Variants in WFDC3 observed in about 807,000 individuals in gnomAD.
WFDC3 encodes the protein WAP four-disulfide core domain 3, also known as WAP four-disulfide core domain protein 3.
In WFDC3, 15 loss-of-function variants were observed where a neutral mutation model predicts 25.8. The ratio of observed to expected loss-of-function variants is 0.58; its 90% confidence interval spans 0.39 to 0.89. The LOEUF is 0.89. WFDC3 is among the 40% of genes least tolerant of loss of function. The probability of loss-of-function intolerance (pLI) is 0.00; values close to 1 mark genes in which losing one functional copy is unlikely to be tolerated. For synonymous variants in WFDC3, 103 were observed against 107.1 expected (o/e 0.96, Z 0.24); for missense variants, 264 against 289.8 (o/e 0.91, Z 0.65).
At chr20:45,786,360 C>A (rs1980667538) in intron 4 of WFDC3, among the ~76,000 whole-genome samples, 1 of 152,198 alleles carries the variant, frequency 6.6e-6, no homozygotes, top group South Asian at 2.1e-4. Flanking sequence ...TGCCACTGCA[C>A]TCCAGCCTGA....
chr20:45,779,291 A>C (rs527848168), intron 4 of WFDC3, among the ~76,000 whole-genome samples: 5 of 152,352 alleles, frequency 3.3e-5, no homozygotes, highest in African/African-American at 1.2e-4. Context: ...GCAGAAAACC[A>C]AAGCAAGACT....
chr20:45,786,433 CTG>C (rs1980670307), intron 4 of WFDC3, among the ~76,000 whole-genome samples: 1 of 152,188 alleles, frequency 6.6e-6, no homozygotes, highest in Non-Finnish European at 1.5e-5. Context: ...CCGCTTTACT[CTG>C]TCTCTCAGCA....
At position 45,775,516 on chromosome 20, in the gene WFDC3, A is replaced by T; in HGVS notation, c.580T>A (p.Cys194Ser). ...AAGCGGCCACAGCCTGACTTGCAAC[A>T]TTTTTCTCCAGCTTGACAATTCTCA... ...MDENCQAGEK[C>S]CKSGCGRFCV... is the part of the protein sequence containing the mutation. Residue 194 changes from cysteine to serine, a missense_variant, in exon 6 of 7, where the codon TGT becomes AGT. Coordinates refer to ENST00000243938, the MANE Select transcript of WFDC3 (RefSeq NM_080614.2). 6.2e-7 allele frequency: 1 copy of T among 1,614,102 alleles called. No homozygotes were observed. The highest frequency in any genetic ancestry group is 1.3e-5 in the African/African-American group (1 of 75,006).
rs752268838 is a variant in WFDC3, at chr20:45,777,256, C to T, written c.359-47G>A. 2.8e-6 allele frequency: 4 copies of T among 1,424,420 alleles called. No homozygotes were observed. In the East Asian group the frequency reaches 7.9e-5, roughly 28 times the overall value. 88.2% of individuals were successfully genotyped at this position (1,424,420 alleles called of 1,614,324 possible). On this transcript the variant is annotated intron_variant, in intron 4 of 6. Coordinates refer to ENST00000243938, the MANE Select transcript of WFDC3 (RefSeq NM_080614.2). ...GCCCAGAGACGCTCACAATATGAAA[C>T]ACATTTTTCATTGTGTCCCATGTGT...
intron 1 of WFDC3, among the ~76,000 whole-genome samples, chr20:45,790,301 C>T (rs796612626): frequency 1.4e-4 from 22 of 152,294 alleles, no homozygotes; most frequent in African/African-American, 5.3e-4. Context: ...GAAAAAGAAT[C>T]AAAGAGAGCC....
chr20:45,791,863 G>C lies in WFDC3; in HGVS notation c.-39C>G. 1 of 510,954 alleles carries C rather than the reference G, an allele frequency of 2.0e-6. No homozygotes were observed. Among genetic ancestry groups the C allele is most frequent in the Admixed American group, 4.4e-5 (1 of 22,800 alleles). The allele number at this position is 510,954 out of a possible 1,614,324, so 31.7% of individuals were successfully genotyped here. ...TCTAAGTGTAACTGTCCTGGGCGAGGCGCGGCGGTTCGGTTCCCATGGTAA... is the reference window on the plus strand; with the variant it reads ...TCTAAGTGTAACTGTCCTGGGCGAGCCGCGGCGGTTCGGTTCCCATGGTAA... On this transcript the variant is annotated 5_prime_UTR_variant, in exon 1 of 7. Transcript: ENST00000243938.
chr20:45,782,441 G>A (rs1040280355), intron 4 of WFDC3, among the ~76,000 whole-genome samples: 1 of 151,238 alleles, frequency 6.6e-6, no homozygotes, highest in African/African-American at 2.4e-5. Flanking sequence ...GCAGTGGTGC[G>A]ATCTCGGCTC....
At chr20:45,777,032 T>C (rs956104316) in intron 5 of WFDC3, 43 bp downstream of exon 5, 13 of 1,610,882 alleles carry the variant, frequency 8.1e-6, no homozygotes, top group African/African-American at 2.7e-5. Flanking sequence ...AGCACTCTTC[T>C]CAGGAAACAC....
Position 45,789,929 on chromosome 20 carries a change from C to G in WFDC3, c.47G>C (p.Gly16Ala), listed in dbSNP as rs561215378. The G allele has an allele frequency of 6.8e-6, 11 of 1,613,902 alleles. No individual in the cohort carries two copies. Among genetic ancestry groups the G allele is most frequent in the Admixed American group, 1.7e-5 (1 of 59,974 alleles). ...LFLLKALLAL[G>A]SLESWITAGE... ...TGCAGTTATCCAGGATTCCAGAGACCCAAGAGCAAGAAGTGCCTTCAGAAG... is the reference window on the plus strand; with the variant it reads ...TGCAGTTATCCAGGATTCCAGAGACGCAAGAGCAAGAAGTGCCTTCAGAAG... The change falls in exon 2 of 7, where the codon GGG becomes GCG. Residue 16 changes from glycine (G) to alanine (A), a missense_variant. Gly to Ala is a moderately conservative substitution (Grantham distance 60). Coordinates refer to ENST00000243938, the MANE Select transcript of WFDC3 (RefSeq NM_080614.2).
intron 2 of WFDC3, 64 bp downstream of exon 2, chr20:45,789,830 G>A: frequency 4.8e-6 from 7 of 1,459,116 alleles, no homozygotes. Flanking sequence ...GGCAGGGGAT[G>A]AGTTCTCCTC....
intron 4 of WFDC3, among the ~76,000 whole-genome samples, chr20:45,780,133 A>G (rs1321548600): frequency 6.9e-6 from 1 of 144,364 alleles, no homozygotes; most frequent in Non-Finnish European, 1.5e-5. Context: ...CAGTGCCGCA[A>G]TGGTGGCTTA....
intron 5 of WFDC3, among the ~76,000 whole-genome samples, chr20:45,776,635 A>AAAAAAAAAT (rs1555812766): frequency 1.1e-5 from 1 of 92,938 alleles, no homozygotes; most frequent in Non-Finnish European, 2.1e-5. Flanking sequence ...AAAAAAAAAA[A>AAAAAAAAAT]ATATATATAT....
chr20:45,787,140 G>A (rs1980707553), intron 4 of WFDC3, among the ~76,000 whole-genome samples: 1 of 142,428 alleles, frequency 7.0e-6, no homozygotes. Context: ...GCAAATGAGT[G>A]GGGAAATGTG....
rs1485220912 is a variant in WFDC3, at chr20:45,785,006, A to G, written c.358+2830T>C. Reference sequence around the variant, plus strand: ...GATTTTCCACTCTAACATCCACCACATGCACTCAGATAAGAGAATGATTCC... The same window carrying G: ...GATTTTCCACTCTAACATCCACCACGTGCACTCAGATAAGAGAATGATTCC... On this transcript the variant is annotated intron_variant, in intron 4 of 6. Transcript: ENST00000243938. Among the ~76,000 whole-genome samples, 5 of 152,168 alleles carry G rather than the reference A, an allele frequency of 3.3e-5. No individual in the cohort carries two copies. In the South Asian group the frequency reaches 6.2e-4, roughly 19 times the overall value.
At chr20:45,780,774 G>A (rs1980405997) in intron 4 of WFDC3, among the ~76,000 whole-genome samples, 1 of 152,162 alleles carries the variant, frequency 6.6e-6, no homozygotes, top group Non-Finnish European at 1.5e-5. Context: ...TGTTGGAAAA[G>A]TAAAATTTCA....
intron 2 of WFDC3, among the ~76,000 whole-genome samples, chr20:45,789,398 C>T (rs543408064): frequency 3.3e-5 from 5 of 150,802 alleles, no homozygotes; most frequent in African/African-American, 7.3e-5. Context: ...CCCAGCTACT[C>T]GGGAGGCTGA....
chr20:45,776,270 T>G (rs1161094295), intron 5 of WFDC3, among the ~76,000 whole-genome samples: 2 of 96,554 alleles, frequency 2.1e-5, no homozygotes, highest in East Asian at 5.7e-4. Flanking sequence ...ACAGGAATGC[T>G]TTTATCTCTG....
Position 45,774,380 on chromosome 20 carries a change from G to A in WFDC3, c.*48C>T. On this transcript the variant is annotated 3_prime_UTR_variant, in exon 7 of 7. Coordinates refer to ENST00000243938, the MANE Select transcript of WFDC3 (RefSeq NM_080614.2). ...GGATGTCACCCTCTCTTGACTGCCA[G>A]GAAAAGCTTCCAGAATTACCAAAGA... The A allele has an allele frequency of 6.2e-7, 1 of 1,613,996 alleles. No individual in the cohort carries two copies. The highest frequency in any genetic ancestry group is 8.5e-7 in the Non-Finnish European group (1 of 1,179,940).
At chr20:45,790,311 C>A (rs1385215729) in intron 1 of WFDC3, among the ~76,000 whole-genome samples, 1 of 152,086 alleles carries the variant, frequency 6.6e-6, no homozygotes, top group Non-Finnish European at 1.5e-5. Context: ...CAAAGAGAGC[C>A]CTAAAGGGCA....
Sources: allele counts gnomAD v4.1 joint callset (sites outside exome capture counted in the v4.1 genomes callset), GRCh38; gene constraint gnomAD v4.1.1; transcripts MANE v1.5; gene names NCBI Gene and HGNC (gene_info 2026-07-23, HGNC 2026-07-21).